Variants in SIGLEC8 observed in about 807,000 individuals in gnomAD.
The protein encoded by SIGLEC8 is sialic acid binding Ig like lectin 8.
In SIGLEC8, 32 loss-of-function variants were observed where a neutral mutation model predicts 42.1. That is an observed-to-expected ratio of 0.76 (90% confidence interval 0.57 to 1.02). SIGLEC8 has a LOEUF of 1.02. Among genes scored for constraint, SIGLEC8 ranks in the 50% least tolerant of loss-of-function variants. The pLI, the probability that SIGLEC8 is intolerant of heterozygous loss-of-function variation, is 0.00. For missense variants in SIGLEC8, 611 were observed against 610.2 expected (o/e 1.00, Z -0.01); for synonymous variants, 262 against 260.3 (o/e 1.01, Z -0.06).
At chr19:51,452,821 A>G (rs1989397787) in intron 6 of SIGLEC8, among the ~76,000 whole-genome samples, 188 bp from the exon 7 acceptor site, 1 of 152,182 alleles carries the variant, frequency 6.6e-6, no homozygotes, top group Admixed American at 6.5e-5. Context: ...TACTAATCTC[A>G]TTAACTTCCC....
At chr19:51,452,708 GC>G in intron 6 of SIGLEC8, 75 bp from the exon 7 acceptor site, 2 of 1,335,388 alleles carry the variant, frequency 1.5e-6, no homozygotes, top group Non-Finnish European at 9.8e-7. Context: ...CAGGAAGGAG[GC>G]CCAGGAGGTC....
At position 51,455,500 on chromosome 19, in the gene SIGLEC8, T is replaced by C. The variant is rs1455543072; in HGVS notation, c.969A>G (p.Glu323=). The change falls in exon 4 of 7, where the codon GAA becomes GAG. Residue 323 remains glutamate, a synonymous_variant. Coordinates refer to ENST00000321424, the MANE Select transcript of SIGLEC8 (RefSeq NM_014442.3). Reference sequence around the variant, plus strand: ...TCTGAGCTCGGCAGGTGAATTCCCCTTCATCCCTCACGTGCACTCGAGGCA... The same window carrying C: ...TCTGAGCTCGGCAGGTGAATTCCCCCTCATCCCTCACGTGCACTCGAGGCA... ...LELPRVHVRD[E]GEFTCRAQNA... 2 of 1,614,102 alleles carry C rather than the reference T, an allele frequency of 1.2e-6. No individual in the cohort carries two copies. Among genetic ancestry groups the C allele is most frequent in the Non-Finnish European group, 1.7e-6 (2 of 1,179,990 alleles).
At chr19:51,455,072 T>C (rs1989456555) in intron 4 of SIGLEC8, among the ~76,000 whole-genome samples, 1 of 152,242 alleles carries the variant, frequency 6.6e-6, no homozygotes, top group African/African-American at 2.4e-5. Flanking sequence ...TTACTTTACT[T>C]GCTTTCTGAG....
At chr19:51,456,209 A>G (rs2122148402) in intron 3 of SIGLEC8, among the ~76,000 whole-genome samples, 2 of 151,420 alleles carry the variant, frequency 1.3e-5, no homozygotes, top group East Asian at 3.9e-4. Context: ...CCTAAAACTT[A>G]AAGTATAATA....
Position 51,451,235 on chromosome 19 carries a change from C to T in SIGLEC8, c.*1144G>A, listed in dbSNP as rs910701631. The T allele has an allele frequency of 2.0e-5, 3 of 152,270 alleles. No individual in the cohort carries two copies. Among genetic ancestry groups the T allele is most frequent in the Admixed American group, 6.5e-5 (1 of 15,312 alleles). 9.4% of individuals were successfully genotyped at this position (152,270 alleles called of 1,614,324 possible). On this transcript the variant is annotated 3_prime_UTR_variant, in exon 7 of 7. Transcript: ENST00000321424. ...TCCTATCACCTCCCACCAGGTCCCTCCCCCAACACATGGGGATTATAATTC... is the reference window on the plus strand; with the variant it reads ...TCCTATCACCTCCCACCAGGTCCCTTCCCCAACACATGGGGATTATAATTC...
intron 6 of SIGLEC8, chr19:51,453,849 C>T (rs1288544268): frequency 4.0e-5 from 39 of 984,918 alleles, no homozygotes; most frequent in Admixed American, 6.2e-5. Context: ...GATGACAAGC[C>T]GGTCAAAGAA....
rs765660143 is a variant in SIGLEC8 at position 51,452,492 on chromosome 19, G to C, written c.1387C>G (p.Gln463Glu). The change falls in exon 7 of 7, where the codon CAG becomes GAG. Residue 463 changes from glutamine (Q) to glutamate (E), a missense_variant. By Grantham distance (29) the Gln-to-Glu change is conservative. Transcript: ENST00000321424. ...GAGTATTCACTGTCAGTGGCCTCCT[G>C]TCCCTGCGGGTCCTGAGGCTTCACT... ...HKVKPQDPQG[Q>E]EATDSEYSEI... is the part of the protein sequence containing the mutation. The C allele has an allele frequency of 1.2e-6, 2 of 1,610,788 alleles. No individual in the cohort carries two copies. The highest frequency in any genetic ancestry group is 1.7e-6 in the Non-Finnish European group (2 of 1,177,372).
chr19:51,453,588 G>A, intron 6 of SIGLEC8: 2 of 404,688 alleles, frequency 4.9e-6, no homozygotes, highest in Non-Finnish European at 6.7e-6. Flanking sequence ...CTGGCTACTT[G>A]GGAGGCTGAG....
At chr19:51,456,011 T>G (rs1270737813) in intron 3 of SIGLEC8, among the ~76,000 whole-genome samples, 4 of 139,218 alleles carry the variant, frequency 2.9e-5, no homozygotes, top group African/African-American at 1.1e-4. Flanking sequence ...CACTCATAAG[T>G]GGGAACTGAA....
At position 51,452,248 on chromosome 19, in the gene SIGLEC8, G is replaced by C. The variant is rs1347086506; in HGVS notation, c.*131C>G. The C allele has an allele frequency of 7.4e-6, 5 of 677,732 alleles. No individual in the cohort carries two copies. The highest frequency in any genetic ancestry group is 1.2e-5 in the Non-Finnish European group (5 of 407,944). The allele number at this position is 677,732 out of a possible 1,614,324, so 42.0% of individuals were successfully genotyped here. Reference sequence around the variant, plus strand: ...GGAGAATGGTGGGTAGTAGAAGCTAGAGGCAGGGATGGGTCCCTGGTAGCC... The same window carrying C: ...GGAGAATGGTGGGTAGTAGAAGCTACAGGCAGGGATGGGTCCCTGGTAGCC... On this transcript the variant is annotated 3_prime_UTR_variant, in exon 7 of 7. Coordinates refer to ENST00000321424, the MANE Select transcript of SIGLEC8 (RefSeq NM_014442.3).
Position 51,455,457 on chromosome 19 carries a change from G to T in SIGLEC8, c.1012C>A (p.His338Asn), listed in dbSNP as rs755513407. The T allele has an allele frequency of 6.2e-7, 1 of 1,614,128 alleles. No homozygotes were observed. The change falls in exon 4 of 7, where the codon CAC (histidine) becomes AAC (asparagine). Residue 338 changes from histidine (H) to asparagine (N), a missense_variant. By Grantham distance (68) the His-to-Asn change is moderately conservative. Transcript: ENST00000321424. ...TGCAGGGAGAGGCTCAGGGAAATGT[G>T]CTGGGAGCCCTGAGCGTTCTGAGCT... Reference protein sequence around the residue: ...CRAQNAQGSQHISLSLSLQNE... With the variant: ...CRAQNAQGSQNISLSLSLQNE...
chr19:51,453,256 G>A (rs543795433), intron 6 of SIGLEC8, among the ~76,000 whole-genome samples: 23 of 152,036 alleles, frequency 1.5e-4, no homozygotes, highest in Admixed American at 1.3e-3. Context: ...GCCTGGTTAA[G>A]TTTTGCATTT....
At chr19:51,453,780 A>G in intron 6 of SIGLEC8, 1 of 984,994 alleles carries the variant, frequency 1.0e-6, no homozygotes, top group Non-Finnish European at 1.2e-6. Flanking sequence ...AGAGAATTAC[A>G]GGGCCTTAAT....
rs149154707 is a variant in SIGLEC8 at position 51,452,721 on chromosome 19, G to A, written c.1246-88C>T. On this transcript the variant is annotated intron_variant, in intron 6 of 6. Transcript: ENST00000321424. ...TCCAGGAAGGAGGCCCAGGAGGTCCGTCCTCCATTCATCCCACCTGCATTT... is the reference window on the plus strand; with the variant it reads ...TCCAGGAAGGAGGCCCAGGAGGTCCATCCTCCATTCATCCCACCTGCATTT... The A allele has an allele frequency of 6.0e-4, 750 of 1,243,886 alleles. 9 individuals are homozygous for A. The East Asian group carries it at 0.016, about 26-fold the overall frequency. The allele number at this position is 1,243,886 out of a possible 1,614,324, so 77.1% of individuals were successfully genotyped here.
rs183546467 is a variant in SIGLEC8 at position 51,456,826 on chromosome 19, A to G, written c.781+358T>C. The stretch of plus-strand genomic sequence containing the variant: ...GATCGAAACTACTGGGAAAACAGAA[A>G]GATCAGACAGAGGAAGTATTCAGGA... On this transcript the variant is annotated intron_variant, in intron 3 of 6. Coordinates refer to ENST00000321424, the MANE Select transcript of SIGLEC8 (RefSeq NM_014442.3). Among the ~76,000 whole-genome samples the G allele has an allele frequency of 2.8e-3, 426 of 152,368 alleles. 1 individual carries two copies. The highest frequency in any genetic ancestry group is 9.9e-3 in the African/African-American group (410 of 41,592).
intron 6 of SIGLEC8, chr19:51,453,872 C>T (rs1412482753): frequency 2.0e-6 from 2 of 984,904 alleles, no homozygotes; most frequent in Non-Finnish European, 2.4e-6. Context: ...CAGGTCCCGC[C>T]AATAGGAAAA....
Position 51,457,587 on chromosome 19 carries a change from T to C in SIGLEC8, c.607A>G (p.Thr203Ala), listed in dbSNP as rs1989526003. ...AGGGTGAGCACTGAGGAGCGGGCAG[T>C]AGTGGGGCCCGGGGAGGACACGGAG... The part of the protein sequence containing the change: ...GASVSSPGPT[T>A]ARSSVLTLTP... The change falls in exon 2 of 7, where the codon ACT becomes GCT. Residue 203 changes from threonine (T) to alanine (A), a missense_variant. Coordinates refer to ENST00000321424, the MANE Select transcript of SIGLEC8 (RefSeq NM_014442.3). 6.2e-7 allele frequency: 1 copy of C among 1,613,424 alleles called. No homozygotes were observed. Among genetic ancestry groups the C allele is most frequent in the South Asian group, 1.1e-5 (1 of 91,044 alleles).
At chr19:51,455,798 C>T in intron 3 of SIGLEC8, 111 bp from the exon 4 acceptor site, 1 of 1,021,764 alleles carries the variant, frequency 9.8e-7, no homozygotes, top group Non-Finnish European at 1.4e-6. Context: ...TGGCACTATT[C>T]ACAATAGCAA....
At position 51,457,655 on chromosome 19, in the gene SIGLEC8, G is replaced by A. The variant is rs1989530016; in HGVS notation, c.539C>T (p.Ala180Val). ...SRNLTCSVPW[A>V]CKQGTPPMIS... is the part of the protein sequence containing the mutation. ...CATGGGGGGTGTCCCCTGCTTACAG[G>A]CCCAGGGCACAGAGCAGGTCAGGTT... is the stretch of plus-strand genomic sequence containing the variant. Residue 180 changes from alanine (A) to valine (V), a missense_variant, in exon 2 of 7, where the codon GCC becomes GTC. Physicochemically the swap from Ala to Val is moderately conservative, Grantham distance 64. Transcript: ENST00000321424. 1.2e-6 allele frequency: 2 copies of A among 1,611,172 alleles called. No individual in the cohort carries two copies. Among genetic ancestry groups the A allele is most frequent in the East Asian group, 2.2e-5 (1 of 44,864 alleles).
Sources: gnomAD v4.1 joint callset for allele counts (sites outside exome capture counted in the v4.1 genomes callset) on GRCh38, gnomAD v4.1.1 for gene constraint, MANE v1.5 for transcripts, NCBI Gene and HGNC (gene_info 2026-07-23, HGNC 2026-07-21) for gene names.